SLC22A9: variants seen among roughly 807,000 people sequenced by gnomAD.
The protein encoded by SLC22A9 is organic anion transporter 7.
Under a neutral mutation model 50.1 loss-of-function variants are expected in SLC22A9, and 64 were observed. The ratio of observed to expected loss-of-function variants is 1.28; its 90% CI spans 1.04 to 1.57. SLC22A9 has a LOEUF of 1.57. Ranked by LOEUF, SLC22A9 falls within the 40% of genes most tolerant of loss-of-function variation. SLC22A9 has a pLI of 0.00. For missense variants in SLC22A9, 757 were observed against 676.1 expected (o/e 1.12, Z -1.33); for synonymous variants, 261 against 242.5 (o/e 1.08, Z -0.71).
chr11:63,373,537 G>A, intron 2 of SLC22A9, 107 bp from the exon 3 acceptor site: 1 of 1,166,818 alleles, frequency 8.6e-7, no homozygotes, highest in Non-Finnish European at 1.2e-6. Context: ...CAAATGCAAA[G>A]TTTCACTTGT....
chr11:63,406,582 G>A lies in SLC22A9; in HGVS notation c.1159G>A (p.Gly387Ser). The change falls in exon 7 of 10, where the codon GGT becomes AGT. Residue 387 changes from glycine (G) to serine (S), a missense_variant. Physicochemically the swap from Gly to Ser is moderately conservative, Grantham distance 56 (BLOSUM62 0). Coordinates refer to ENST00000279178, the MANE Select transcript of SLC22A9 (RefSeq NM_080866.3). Reference sequence around the variant, plus strand: ...TGTTTTCCTGTTGCAGACTCTCTTTGGTGCAGTCATCCTCCTGGCCAACTG... The same window carrying A: ...TGTTTTCCTGTTGCAGACTCTCTTTAGTGCAGTCATCCTCCTGGCCAACTG... ...NNVFLLQTLF[G>S]AVILLANCVA... The A allele has an allele frequency of 3.7e-6, 6 of 1,613,804 alleles. No individual in the cohort carries two copies. The highest frequency in any genetic ancestry group is 5.1e-6 in the Non-Finnish European group (6 of 1,179,828).
intron 6 of SLC22A9, among the ~76,000 whole-genome samples, chr11:63,386,237 T>C (rs1218561844): frequency 6.6e-6 from 1 of 152,106 alleles, no homozygotes; most frequent in African/African-American, 2.4e-5. Context: ...ATCAAGGATA[T>C]AGGCCTGAAG....
chr11:63,371,318 A>C, intron 2 of SLC22A9, 80 bp downstream of exon 2: 2 of 1,127,562 alleles, frequency 1.8e-6, no homozygotes, highest in South Asian at 1.5e-5. Flanking sequence ...AGAATTACTT[A>C]CTGCAAATTA....
intron 6 of SLC22A9, 140 bp from the exon 7 acceptor site, chr11:63,406,357 G>T: frequency 1.5e-6 from 1 of 687,370 alleles, no homozygotes; most frequent in South Asian, 2.0e-5. Context: ...TTTAAATCAC[G>T]TTGCAAGAAA....
Position 63,394,896 on chromosome 11 carries a change from A to T in SLC22A9, c.1074-11601A>T, listed in dbSNP as rs554673011. 5.9e-5 allele frequency among the ~76,000 whole-genome samples: 9 copies of T among 151,720 alleles called. No homozygotes were observed. The East Asian group carries it at 1.7e-3, about 29-fold the overall frequency. On this transcript the variant is annotated intron_variant, in intron 6 of 9. Transcript: ENST00000279178. Reference sequence around the variant, plus strand: ...GTTTGGTCGTTTAGCATAATCCCAGACTTTTTGGAGGCTTTGTTCATATTT... The same window carrying T: ...GTTTGGTCGTTTAGCATAATCCCAGTCTTTTTGGAGGCTTTGTTCATATTT...
chr11:63,385,882 G>T (rs1340908612), intron 6 of SLC22A9, among the ~76,000 whole-genome samples: 1 of 152,130 alleles, frequency 6.6e-6, no homozygotes, highest in African/African-American at 2.4e-5. Flanking sequence ...AGTTTTCAAG[G>T]GGAATGCTTC....
At position 63,380,982 on chromosome 11, in the gene SLC22A9, A is replaced by G. The variant is rs1295588340; in HGVS notation, c.955-1177A>G. Reference sequence around the variant, plus strand: ...CAGGGAAAAAAAGAGAGCATTGCTTATGAAATGCAATTGAAGCTTGGTATG... The same window carrying G: ...CAGGGAAAAAAAGAGAGCATTGCTTGTGAAATGCAATTGAAGCTTGGTATG... On this transcript the variant is annotated intron_variant, in intron 5 of 9. Transcript: ENST00000279178. 3.3e-5 allele frequency among the ~76,000 whole-genome samples: 5 copies of G among 152,230 alleles called. No individual in the cohort carries two copies. The East Asian group carries it at 7.7e-4, about 23-fold the overall frequency.
At position 63,382,228 on chromosome 11, in the gene SLC22A9, C is replaced by A. The variant is rs143309675; in HGVS notation, c.1024C>A (p.Leu342Ile). 1.2e-6 allele frequency: 2 copies of A among 1,609,822 alleles called. No individual in the cohort carries two copies. Among genetic ancestry groups the A allele is most frequent in the African/African-American group, 2.7e-5 (2 of 74,606 alleles). ...AAAAAAACCTTCTCTGTGTGAAATG[C>A]TCCACATGCCCAACATATGTAAAAG... ...QKKKPSLCEM[L>I]HMPNICKRIS... Residue 342 changes from leucine (L) to isoleucine (I), a missense_variant, in exon 6 of 10, where the codon CTC (leucine) becomes ATC (isoleucine). Leu to Ile is a conservative substitution (Grantham distance 5). Transcript: ENST00000279178.
intron 5 of SLC22A9, among the ~76,000 whole-genome samples, 192 bp downstream of exon 5, chr11:63,375,960 C>T (rs891350110): frequency 1.3e-5 from 2 of 151,912 alleles, no homozygotes; most frequent in East Asian, 3.9e-4. Context: ...TATGCTGTTG[C>T]CAAAAGGATG....
chr11:63,386,187 G>A (rs1250225523), intron 6 of SLC22A9, among the ~76,000 whole-genome samples: 3 of 152,104 alleles, frequency 2.0e-5, no homozygotes, highest in African/African-American at 4.8e-5. Context: ...GCTGGATTCA[G>A]TTTGCCAGTA....
intron 6 of SLC22A9, among the ~76,000 whole-genome samples, chr11:63,387,716 G>A (rs1394654783): frequency 1.3e-5 from 2 of 152,094 alleles, no homozygotes; most frequent in African/African-American, 4.8e-5. Flanking sequence ...GATAGGGATT[G>A]TATTGAATCG....
At chr11:63,405,035 G>A (rs935027087) in intron 6 of SLC22A9, among the ~76,000 whole-genome samples, 2 of 152,004 alleles carry the variant, frequency 1.3e-5, no homozygotes, top group African/African-American at 4.8e-5. Flanking sequence ...GCAACTGGCT[G>A]AGAAACCAAA....
chr11:63,375,895 C>A, intron 5 of SLC22A9, 127 bp downstream of exon 5: 1 of 1,193,432 alleles, frequency 8.4e-7, no homozygotes, highest in Non-Finnish European at 1.2e-6. Flanking sequence ...GCTGTATCAC[C>A]TCACTATCAT....
chr11:63,394,528 G>C (rs2014817819), intron 6 of SLC22A9, among the ~76,000 whole-genome samples: 1 of 152,100 alleles, frequency 6.6e-6, no homozygotes, highest in African/African-American at 2.4e-5. Context: ...TAATTGTTTT[G>C]TTTGAGGAGG....
intron 4 of SLC22A9, 116 bp downstream of exon 4, chr11:63,374,178 A>T (rs925577947): frequency 1.1e-5 from 11 of 990,618 alleles, no homozygotes; most frequent in Non-Finnish European, 1.6e-5. Context: ...ACGTCCTCTC[A>T]TAATCTGTGC....
At chr11:63,406,421 G>A (rs1184733224) in intron 6 of SLC22A9, 76 bp from the exon 7 acceptor site, 1 of 1,337,748 alleles carries the variant, frequency 7.5e-7, no homozygotes, top group East Asian at 2.3e-5. Flanking sequence ...TAGCTGCCTG[G>A]GCCAATATTA....
intron 6 of SLC22A9, among the ~76,000 whole-genome samples, chr11:63,393,637 G>A (rs1421795521): frequency 1.3e-5 from 2 of 152,050 alleles, no homozygotes; most frequent in East Asian, 1.9e-4. Flanking sequence ...ATTATAATGA[G>A]ATGCTGGATT....
At chr11:63,401,393 C>T (rs2014950094) in intron 6 of SLC22A9, among the ~76,000 whole-genome samples, 1 of 151,976 alleles carries the variant, frequency 6.6e-6, no homozygotes, top group Non-Finnish European at 1.5e-5. Flanking sequence ...AAAGCAATCT[C>T]ATTTGCAATT....
At chr11:63,379,893 G>C (rs2119895460) in intron 5 of SLC22A9, among the ~76,000 whole-genome samples, 1 of 152,152 alleles carries the variant, frequency 6.6e-6, no homozygotes, top group East Asian at 1.9e-4. Flanking sequence ...CATCATACCT[G>C]ACTAATTTTT....
Sources: gnomAD v4.1 joint callset for allele counts (sites outside exome capture counted in the v4.1 genomes callset) on GRCh38, gnomAD v4.1.1 for gene constraint, MANE v1.5 for transcripts, NCBI Gene and HGNC (gene_info 2026-07-23, HGNC 2026-07-21) for gene names.